PCSK6: variants seen among roughly 807,000 people sequenced by gnomAD.
PCSK6 encodes proprotein convertase subtilisin/kexin type 6.
A neutral mutation model predicts 123.3 loss-of-function variants in PCSK6; 85 were observed. That is an observed-to-expected ratio of 0.69 (90% CI 0.58 to 0.83). The LOEUF is 0.83. PCSK6 is among the 40% of genes least tolerant of loss of function. PCSK6 has a pLI of 0.00. For synonymous variants in PCSK6, 508 were observed against 516.0 expected (o/e 0.98, Z 0.21); for missense variants, 1,191 against 1,282.3 (o/e 0.93, Z 1.09).
At chr15:101,352,815 G>A (rs1385351137) in intron 13 of PCSK6, among the ~76,000 whole-genome samples, 4 of 152,232 alleles carry the variant, frequency 2.6e-5, no homozygotes, top group East Asian at 1.9e-4. Context: ...TTAAAGTGAC[G>A]GCTAACCCTT....
intron 2 of PCSK6, among the ~76,000 whole-genome samples, chr15:101,439,092 T>C (rs549557976): frequency 6.6e-6 from 1 of 152,102 alleles, no homozygotes; most frequent in Admixed American, 6.5e-5. Context: ...GGCAGTGCAG[T>C]GGTGCAGGCA....
At chr15:101,456,470 C>G (rs1228752752) in intron 1 of PCSK6, among the ~76,000 whole-genome samples, 1 of 152,190 alleles carries the variant, frequency 6.6e-6, no homozygotes, top group Non-Finnish European at 1.5e-5. Flanking sequence ...CTTCCCTCAA[C>G]AAATATCTGG....
At chr15:101,404,721 C>A (rs970539907) in intron 6 of PCSK6, among the ~76,000 whole-genome samples, 1 of 152,124 alleles carries the variant, frequency 6.6e-6, no homozygotes, top group Non-Finnish European at 1.5e-5. Context: ...AAGTTGAGGC[C>A]CTGGCCCCGG....
At chr15:101,325,923 T>A (rs2040241956) in intron 16 of PCSK6, among the ~76,000 whole-genome samples, 1 of 152,136 alleles carries the variant, frequency 6.6e-6, no homozygotes, top group Admixed American at 6.5e-5. Context: ...CCAGGAGAGC[T>A]TCTGTGAAAG....
chr15:101,382,298 A>T, intron 10 of PCSK6, 89 bp from the exon 11 acceptor site: 2 of 1,013,686 alleles, frequency 2.0e-6, no homozygotes, highest in African/African-American at 1.6e-5. Flanking sequence ...GGCCCCATGG[A>T]GGACAGAGGG....
At chr15:101,379,973 G>A (rs543873557) in intron 11 of PCSK6, among the ~76,000 whole-genome samples, 20 of 152,148 alleles carry the variant, frequency 1.3e-4, no homozygotes, top group African/African-American at 2.2e-4. Context: ...CAACAACCAC[G>A]TTACAGAGTT....
intron 2 of PCSK6, among the ~76,000 whole-genome samples, chr15:101,442,463 A>G (rs535662839): frequency 6.6e-6 from 1 of 152,250 alleles, no homozygotes; most frequent in East Asian, 1.9e-4. Flanking sequence ...AACCCTCACC[A>G]TGCGATGCCC....
chr15:101,413,638 G>A (rs564539486), intron 6 of PCSK6, among the ~76,000 whole-genome samples: 5 of 152,250 alleles, frequency 3.3e-5, no homozygotes, highest in African/African-American at 1.2e-4. Context: ...AGCAGACCGG[G>A]GGGCTACAGT....
intron 9 of PCSK6, 49 bp from the exon 10 acceptor site, chr15:101,384,474 G>A (rs2042003192): frequency 1.3e-6 from 2 of 1,496,856 alleles, no homozygotes; most frequent in African/African-American, 2.7e-5. Flanking sequence ...AACAACGGCA[G>A]CCACACAGGC....
At chr15:101,474,774 C>T (rs189760499) in intron 1 of PCSK6, among the ~76,000 whole-genome samples, 5 of 152,298 alleles carry the variant, frequency 3.3e-5, no homozygotes, top group Admixed American at 3.3e-4. Context: ...GCTCCAGCTC[C>T]CACAGGATCT....
chr15:101,472,093 G>A lies in PCSK6; in HGVS notation c.297+17281C>T, dbSNP rs1446472184. On this transcript the variant is annotated intron_variant, in intron 1 of 21. Transcript: ENST00000611716. ...TCCTCTGAGGAAAAAAAAATCGAACGGAGGCATCGCCCCAGATTGCTGAGA... is the reference window on the plus strand; with the variant it reads ...TCCTCTGAGGAAAAAAAAATCGAACAGAGGCATCGCCCCAGATTGCTGAGA... 3.3e-5 allele frequency among the ~76,000 whole-genome samples: 5 copies of A among 152,116 alleles called. 1 individual carries two copies. The highest frequency in any genetic ancestry group is 4.4e-5 in the Non-Finnish European group (3 of 68,014).
chr15:101,427,429 C>G (rs1254989999), intron 6 of PCSK6, among the ~76,000 whole-genome samples: 1 of 152,078 alleles, frequency 6.6e-6, no homozygotes, highest in Non-Finnish European at 1.5e-5. Context: ...CTAAGGGGCA[C>G]TATGAAAAAT....
At chr15:101,489,037 G>A (rs892573008) in intron 1 of PCSK6, among the ~76,000 whole-genome samples, 15 of 149,818 alleles carry the variant, frequency 1.0e-4, no homozygotes, top group African/African-American at 3.6e-4. Context: ...CCCGGAGCCC[G>A]GCAGGTGTCC....
rs1488904624 is a variant in PCSK6 at position 101,326,421 on chromosome 15, G to A, written c.2136C>T (p.Cys712=). The A allele has an allele frequency of 6.3e-7, 1 of 1,585,412 alleles. No individual in the cohort carries two copies. Among genetic ancestry groups the A allele is most frequent in the Non-Finnish European group, 8.6e-7 (1 of 1,165,674 alleles). The change falls in exon 16 of 22, where the codon TGC becomes TGT. Residue 712 remains cysteine, a synonymous_variant. Coordinates refer to ENST00000611716, the MANE Select transcript of PCSK6 (RefSeq NM_002570.5). ...CCAGGCTGAAGTGGACGCAGTTCAA[G>A]CACTGGTCTGCATTGGGGCCATCAC... ...KGCDGPNADQ[C]LNCVHFSLGS...
chr15:101,405,047 C>T (rs554823668), intron 6 of PCSK6, among the ~76,000 whole-genome samples: 3 of 152,260 alleles, frequency 2.0e-5, no homozygotes, highest in South Asian at 2.1e-4. Context: ...AAGCATCACG[C>T]GCTTAGATCT....
intron 13 of PCSK6, among the ~76,000 whole-genome samples, chr15:101,335,205 C>T (rs560152494): frequency 1.3e-5 from 2 of 152,330 alleles, no homozygotes; most frequent in Admixed American, 6.5e-5. Flanking sequence ...AGCGATCCTC[C>T]CACGTTGGCC....
At chr15:101,322,371 G>A (rs990119538) in intron 18 of PCSK6, 149 bp downstream of exon 18, 16 of 617,986 alleles carry the variant, frequency 2.6e-5, no homozygotes, top group Admixed American at 8.9e-5. Flanking sequence ...GTGGACACAC[G>A]ATTTCCAGGA....
intron 2 of PCSK6, among the ~76,000 whole-genome samples, chr15:101,441,645 A>G (rs1476597300): frequency 2.0e-5 from 3 of 152,208 alleles, no homozygotes; most frequent in East Asian, 3.8e-4. Context: ...AGTTCTAACC[A>G]TTAAGAATCT....
chr15:101,361,576 T>C (rs1212331766), intron 13 of PCSK6, among the ~76,000 whole-genome samples: 1 of 151,996 alleles, frequency 6.6e-6, no homozygotes, highest in African/African-American at 2.4e-5. Context: ...AGACCAGGCA[T>C]GTTAGGGGAA....
Sources: gnomAD v4.1 joint callset for allele counts (sites outside exome capture counted in the v4.1 genomes callset) on GRCh38, gnomAD v4.1.1 for gene constraint, MANE v1.5 for transcripts, NCBI Gene and HGNC (gene_info 2026-07-23, HGNC 2026-07-21) for gene names.